Variants in CDH20 observed in about 807,000 individuals in gnomAD.
The protein encoded by CDH20 is cadherin 20, also known as cadherin-20.
CDH20 carries 29 observed loss-of-function variants against 74.2 expected under a neutral mutation model. The observed-to-expected ratio is 0.39, with a 90% confidence interval of 0.29 to 0.53. The LOEUF is 0.53. Ranked by LOEUF, CDH20 falls within the 20% of genes least tolerant of loss-of-function variation. CDH20 has a pLI of 0.69. For synonymous variants in CDH20, 469 were observed against 405.4 expected (o/e 1.16, Z -1.88); for missense variants, 988 against 1,048.3 (o/e 0.94, Z 0.79).
chr18:61,342,402 TCAC>T (rs535241113), intron 1 of CDH20, among the ~76,000 whole-genome samples: 151 of 152,310 alleles, frequency 9.9e-4, no homozygotes, highest in Non-Finnish European at 1.9e-3. Flanking sequence ...GATGAAGTGG[TCAC>T]CACAAGAGGT....
chr18:61,433,681 G>T (rs966525131), intron 1 of CDH20, among the ~76,000 whole-genome samples: 1 of 152,094 alleles, frequency 6.6e-6, no homozygotes, highest in East Asian at 1.9e-4. Flanking sequence ...GCTGAATATA[G>T]TATTGATCAC....
Position 61,507,518 on chromosome 18 carries a change from C to G in CDH20, c.975C>G (p.Ser325Arg). ...DGDGADAFDI[S>R]TDPNFQVGII... ...ATGGTGCAGATGCCTTTGACATTAG[C>G]ACAGATCCCAATTTCCAAGTTGGTA... is the stretch of plus-strand genomic sequence containing the variant. Residue 325 changes from serine (S) to arginine (R), a missense_variant, in exon 6 of 12, where the codon AGC becomes AGG. Physicochemically the swap from Ser to Arg is moderately radical, Grantham distance 110. This residue lies in a region of CDH20 where 613 missense variants were observed against 755.2 expected (regional missense o/e 0.81). Coordinates refer to ENST00000262717, the MANE Select transcript of CDH20 (RefSeq NM_031891.4). The G allele has an allele frequency of 1.2e-6, 2 of 1,612,284 alleles. No individual in the cohort carries two copies. The highest frequency in any genetic ancestry group is 1.7e-6 in the Non-Finnish European group (2 of 1,179,240).
chr18:61,368,996 C>T (rs1325396615), intron 1 of CDH20, among the ~76,000 whole-genome samples: 1 of 151,622 alleles, frequency 6.6e-6, no homozygotes, highest in Non-Finnish European at 1.5e-5. Context: ...TGATATTTTA[C>T]CGAAAATAAG....
At chr18:61,377,263 C>A (rs1295113210) in intron 1 of CDH20, among the ~76,000 whole-genome samples, 1 of 152,040 alleles carries the variant, frequency 6.6e-6, no homozygotes, top group Non-Finnish European at 1.5e-5. Flanking sequence ...AATTTCATGA[C>A]CATATTTAGC....
intron 1 of CDH20, among the ~76,000 whole-genome samples, chr18:61,387,915 C>T (rs1911655227): frequency 6.6e-6 from 1 of 152,028 alleles, no homozygotes; most frequent in Non-Finnish European, 1.5e-5. Flanking sequence ...AATTCTGTTG[C>T]ATTTTCCCAA....
intron 11 of CDH20, among the ~76,000 whole-genome samples, chr18:61,552,175 G>GT (rs35819952): frequency 3.5e-4 from 52 of 150,082 alleles, no homozygotes; most frequent in South Asian, 2.5e-3. Context: ...GACTTCCTGG[G>GT]TTTTTTTTTT....
intron 1 of CDH20, among the ~76,000 whole-genome samples, chr18:61,466,893 C>T (rs1023575730): frequency 1.3e-5 from 2 of 152,200 alleles, no homozygotes; most frequent in Non-Finnish European, 2.9e-5. Context: ...CCCACTTCCT[C>T]TGCTCTGCTT....
chr18:61,474,820 G>A (rs1034805292), intron 1 of CDH20, among the ~76,000 whole-genome samples: 5 of 152,072 alleles, frequency 3.3e-5, no homozygotes, highest in Admixed American at 3.3e-4. Flanking sequence ...ACAGGCCCGG[G>A]GATCAATAGA....
At chr18:61,497,576 T>C (rs955444943) in intron 2 of CDH20, among the ~76,000 whole-genome samples, 2 of 152,126 alleles carry the variant, frequency 1.3e-5, no homozygotes, top group African/African-American at 4.8e-5. Flanking sequence ...AATACCCTTT[T>C]CTCTATGCAC....
intron 1 of CDH20, among the ~76,000 whole-genome samples, chr18:61,482,993 C>T (rs1218012635): frequency 6.6e-6 from 1 of 152,220 alleles, no homozygotes; most frequent in Non-Finnish European, 1.5e-5. Context: ...ATCTCCCAGA[C>T]AGGCCCTTTG....
At chr18:61,537,169 A>G (rs1475538853) in intron 8 of CDH20, among the ~76,000 whole-genome samples, 1 of 152,046 alleles carries the variant, frequency 6.6e-6, no homozygotes, top group East Asian at 1.9e-4. Flanking sequence ...GTACTACTAC[A>G]TTCCTTTTTT....
intron 1 of CDH20, among the ~76,000 whole-genome samples, chr18:61,477,453 C>A (rs577188734): frequency 6.6e-6 from 1 of 152,226 alleles, no homozygotes; most frequent in African/African-American, 2.4e-5. Flanking sequence ...TGCAAAGTGG[C>A]TAAATTCTGT....
intron 1 of CDH20, among the ~76,000 whole-genome samples, chr18:61,485,801 C>T (rs545864320): frequency 5.9e-5 from 9 of 152,202 alleles, no homozygotes; most frequent in Admixed American, 1.3e-4. Context: ...TGGCCAGGTG[C>T]GGTGGCTCAC....
intron 1 of CDH20, among the ~76,000 whole-genome samples, chr18:61,373,340 A>C (rs1911107312): frequency 6.6e-6 from 1 of 151,848 alleles, no homozygotes; most frequent in African/African-American, 2.4e-5. Context: ...TGTGCATAAA[A>C]CCCACAGATT....
intron 1 of CDH20, among the ~76,000 whole-genome samples, chr18:61,470,391 G>A (rs961168498): frequency 2.0e-5 from 3 of 152,202 alleles, no homozygotes; most frequent in Admixed American, 6.5e-5. Context: ...GAAAGGAACC[G>A]ATAAGCCTGA....
chr18:61,509,886 C>T (rs375260881), intron 6 of CDH20, among the ~76,000 whole-genome samples: 3 of 151,964 alleles, frequency 2.0e-5, no homozygotes, highest in East Asian at 1.9e-4. Context: ...TTCCTAAAAA[C>T]GTGGATGAGG....
At chr18:61,532,557 C>T (rs6567218) in intron 7 of CDH20, among the ~76,000 whole-genome samples, 1,010 of 6,260 alleles carry the variant, frequency 0.16, 4 homozygotes, top group Admixed American at 0.2. Flanking sequence ...TATATATATA[C>T]ACACACACAC....
chr18:61,425,945 A>C (rs1042439935), intron 1 of CDH20, among the ~76,000 whole-genome samples: 1 of 152,204 alleles, frequency 6.6e-6, no homozygotes, highest in Non-Finnish European at 1.5e-5. Flanking sequence ...TAAGACGGCA[A>C]CACTCCCAGT....
At chr18:61,434,845 T>G (rs1426240709) in intron 1 of CDH20, among the ~76,000 whole-genome samples, 4 of 152,292 alleles carry the variant, frequency 2.6e-5, no homozygotes, top group Admixed American at 6.5e-5. Flanking sequence ...GAATGTTAAT[T>G]GAATTATTTC....
Sources: gnomAD v4.1 joint callset for allele counts (sites outside exome capture counted in the v4.1 genomes callset) on GRCh38, gnomAD v4.1.1 for gene constraint, gnomAD v4.1.1 regional missense constraint, MANE v1.5 for transcripts, NCBI Gene and HGNC (gene_info 2026-07-23, HGNC 2026-07-21) for gene names.